PDSS1: variants seen among roughly 807,000 people sequenced by gnomAD.
PDSS1 encodes all trans-polyprenyl-diphosphate synthase PDSS1.
Under a neutral mutation model 57.5 loss-of-function variants are expected in PDSS1, and 43 were observed. The ratio of observed to expected loss-of-function variants is 0.75; its 90% confidence interval spans 0.59 to 0.96. PDSS1 has a LOEUF of 0.96. PDSS1 is among the 50% of genes least tolerant of loss of function. PDSS1 has a pLI of 0.00. For missense variants in PDSS1, 438 were observed against 527.8 expected (o/e 0.83, Z 1.67); for synonymous variants, 175 against 191.3 (o/e 0.91, Z 0.70).
chr10:26,735,095 T>G (rs563159527), intron 8 of PDSS1, 145 bp from the exon 9 acceptor site: 107 of 726,402 alleles, frequency 1.5e-4, no homozygotes, highest in Middle Eastern at 5.1e-4. Context: ...TTGTACATGC[T>G]TGGTGTCCCT....
At chr10:26,735,126 G>T in intron 8 of PDSS1, 114 bp from the exon 9 acceptor site, 1 of 779,802 alleles carries the variant, frequency 1.3e-6, no homozygotes, top group Non-Finnish European at 2.4e-6. Context: ...CATCTCCTGA[G>T]TGTGTATAAT....
At chr10:26,743,657 G>A (rs967262395) in intron 11 of PDSS1, among the ~76,000 whole-genome samples, 1 of 152,112 alleles carries the variant, frequency 6.6e-6, no homozygotes, top group Admixed American at 6.6e-5. Flanking sequence ...ACTGAAAAGA[G>A]GGAAGTTAAT....
chr10:26,705,861 C>A (rs1835195919), intron 4 of PDSS1, among the ~76,000 whole-genome samples: 1 of 152,126 alleles, frequency 6.6e-6, no homozygotes, highest in Admixed American at 6.5e-5. Context: ...CAGTGCCAGG[C>A]AATATGAAGA....
intron 10 of PDSS1, among the ~76,000 whole-genome samples, chr10:26,741,615 C>T (rs1264258094): frequency 6.6e-6 from 1 of 152,180 alleles, no homozygotes; most frequent in Non-Finnish European, 1.5e-5. Context: ...CACATAATGC[C>T]CTCTGCTCAG....
rs1014116468 is a variant in PDSS1 at position 26,705,348 on chromosome 10, A to G, written c.290A>G (p.Lys97Arg). 6.2e-7 allele frequency: 1 copy of G among 1,612,686 alleles called. No homozygotes were observed. Among genetic ancestry groups the G allele is most frequent in the African/African-American group, 1.3e-5 (1 of 75,016 alleles). Residue 97 changes from lysine to arginine, a missense_variant, in exon 4 of 12, where the codon AAA becomes AGA. Physicochemically the swap from Lys to Arg is conservative, Grantham distance 26. Coordinates refer to ENST00000376215, the MANE Select transcript of PDSS1 (RefSeq NM_014317.5). ...GGTGAAAAATACACCGATCCTTTCA[A>G]ACTCGGTTGGAGAGACTTGAAAGGT... ...HSGEKYTDPF[K>R]LGWRDLKGLY...
At chr10:26,736,584 G>A (rs527952220) in intron 10 of PDSS1, among the ~76,000 whole-genome samples, 2 of 152,234 alleles carry the variant, frequency 1.3e-5, no homozygotes, top group South Asian at 4.2e-4. Flanking sequence ...GAGAGGAAAG[G>A]TCATCTTTCA....
chr10:26,714,059 T>C (rs1316275357), intron 5 of PDSS1, among the ~76,000 whole-genome samples: 1 of 152,190 alleles, frequency 6.6e-6, no homozygotes. Flanking sequence ...TCCCAAGGGA[T>C]AATCCCGAAT....
At chr10:26,740,403 G>C (rs1260100136) in intron 10 of PDSS1, among the ~76,000 whole-genome samples, 4 of 152,158 alleles carry the variant, frequency 2.6e-5, no homozygotes, top group Non-Finnish European at 5.9e-5. Flanking sequence ...AAAAGACCCA[G>C]TAACTAAAGG....
At chr10:26,699,397 C>CT (rs760230667) in intron 1 of PDSS1, among the ~76,000 whole-genome samples, 48,648 of 136,724 alleles carry the variant, frequency 0.36, 8,624 homozygotes, top group Middle Eastern at 0.43. Context: ...TCTTCTTCTT[C>CT]TTTTTTTTTT....
intron 1 of PDSS1, among the ~76,000 whole-genome samples, chr10:26,699,193 G>T (rs1163288294): frequency 6.6e-6 from 1 of 152,118 alleles, no homozygotes; most frequent in African/African-American, 2.4e-5. Context: ...ACTAGACAAT[G>T]CTAGAGAGTA....
chr10:26,716,057 T>TA (rs1564422998), intron 5 of PDSS1, among the ~76,000 whole-genome samples: 2 of 152,154 alleles, frequency 1.3e-5, no homozygotes, highest in Admixed American at 6.6e-5. Context: ...AGGATCAAGT[T>TA]AAAAAAATTC....
rs1240734797 is a variant in PDSS1 at position 26,720,315 on chromosome 10, C to G, written c.565C>G (p.Arg189Gly). The stretch of plus-strand genomic sequence containing the variant: ...TGACGTTATTGACGATGCAAGTTCT[C>G]GAAGAGGAAAACACACAGTTAATAA... Reference protein sequence around the residue: ...HDDVIDDASSRRGKHTVNKIW... With the variant: ...HDDVIDDASSGRGKHTVNKIW... Residue 189 changes from arginine to glycine, a missense_variant, in exon 6 of 12, where the codon CGA (arginine) becomes GGA (glycine). Physicochemically the swap from Arg to Gly is moderately radical, Grantham distance 125. This residue lies in a region of PDSS1 where 284 missense variants were observed against 390.7 expected (regional missense o/e 0.73). Transcript: ENST00000376215. 2.5e-6 allele frequency: 4 copies of G among 1,613,930 alleles called. No individual in the cohort carries two copies. In the South Asian group the frequency reaches 4.4e-5, roughly 18 times the overall value.
At chr10:26,745,870 A>G (rs552290683) in intron 11 of PDSS1, among the ~76,000 whole-genome samples, 1 of 152,172 alleles carries the variant, frequency 6.6e-6, no homozygotes, top group East Asian at 1.9e-4. Context: ...AAGAAAAAAA[A>G]AACTATTGGA....
chr10:26,697,983 A>G (rs1314241896), intron 1 of PDSS1, 143 bp downstream of exon 1: 1 of 734,284 alleles, frequency 1.4e-6, no homozygotes, highest in Non-Finnish European at 1.8e-6. Context: ...CCGGGGTGGG[A>G]CTCCGGAGCT....
rs772901240 is a variant in PDSS1, at chr10:26,735,286, A to G, written c.878A>G (p.Tyr293Cys). ...GACCCAGTGGTGCATGAGATCGCCT[A>G]TCAGTACGGAAAAAATGTAGGAATA... Reference protein sequence around the residue: ...CPDPVVHEIAYQYGKNVGIAF... With the variant: ...CPDPVVHEIACQYGKNVGIAF... Residue 293 changes from tyrosine to cysteine, a missense_variant, in exon 9 of 12, where the codon TAT becomes TGT. Tyr to Cys is a radical substitution (Grantham distance 194). This residue lies in a region of PDSS1 where 284 missense variants were observed against 390.7 expected (regional missense o/e 0.73). Transcript: ENST00000376215. 6.2e-6 allele frequency: 10 copies of G among 1,613,468 alleles called. No individual in the cohort carries two copies. Among genetic ancestry groups the G allele is most frequent in the Non-Finnish European group, 8.5e-6 (10 of 1,179,362 alleles).
intron 5 of PDSS1, among the ~76,000 whole-genome samples, chr10:26,716,713 T>C (rs556461757): frequency 6.6e-6 from 1 of 152,176 alleles, no homozygotes; most frequent in South Asian, 2.1e-4. Flanking sequence ...GATAATTTTT[T>C]AAATCTAATG....
intron 8 of PDSS1, chr10:26,734,857 GC>G (rs1263779461): frequency 2.3e-5 from 10 of 433,822 alleles, no homozygotes; most frequent in African/African-American, 2.0e-4. Flanking sequence ...GGGCTAGCTT[GC>G]CGAGTGCTAG....
At chr10:26,733,379 A>G (rs1836282199) in intron 8 of PDSS1, among the ~76,000 whole-genome samples, 1 of 152,298 alleles carries the variant, frequency 6.6e-6, no homozygotes, top group Admixed American at 6.5e-5. Flanking sequence ...AGTTGAAAAA[A>G]GGAGCCCTCC....
chr10:26,715,445 G>T (rs1835537511), intron 5 of PDSS1: 1 of 149,246 alleles, frequency 6.7e-6, no homozygotes, highest in Non-Finnish European at 1.5e-5. Context: ...CACCCAGGCT[G>T]GAGTGCAGTG....
Sources: allele counts gnomAD v4.1 joint callset (sites outside exome capture counted in the v4.1 genomes callset), GRCh38; gene constraint gnomAD v4.1.1; regional missense constraint gnomAD v4.1.1; transcripts MANE v1.5; gene names NCBI Gene and HGNC (gene_info 2026-07-23, HGNC 2026-07-21).